Variants in CASP8 observed in about 807,000 individuals in gnomAD.
The protein encoded by CASP8 is caspase-8.
A neutral mutation model predicts 46.3 loss-of-function variants in CASP8; 24 were observed. The observed-to-expected ratio is 0.52, with a 90% CI of 0.38 to 0.73. The LOEUF (loss-of-function observed/expected upper bound fraction) is 0.73, where lower values mean the gene tolerates loss of function less well. Among genes scored for constraint, CASP8 ranks in the 30% least tolerant of loss-of-function variants. CASP8 has a pLI of 0.00. For missense variants in CASP8, 460 were observed against 559.0 expected, an observed-to-expected ratio of 0.82 and a Z score of 1.79; for synonymous variants, 188 against 200.4, an observed-to-expected ratio of 0.94 and a Z score of 0.52.
Position 201,286,685 on chromosome 2 carries a change from G to C in CASP8, c.*91G>C, listed in dbSNP as rs552034853. The C allele has an allele frequency of 8.8e-7, 1 of 1,131,268 alleles. No individual in the cohort carries two copies. The allele number at this position is 1,131,268 out of a possible 1,614,324, so 70.1% of individuals were successfully genotyped here. A position where few individuals can be genotyped will look rare whatever the true frequency, so the allele number is the denominator to read the frequency against. Reference sequence around the variant, plus strand: ...GGCTGGAGTGCAGTGGCGTGATCTCGGCTCACCGCAAGCTCCGCCTCCCGG... The same window carrying C: ...GGCTGGAGTGCAGTGGCGTGATCTCCGCTCACCGCAAGCTCCGCCTCCCGG... On this transcript the variant is annotated 3_prime_UTR_variant, in exon 9 of 9. Transcript: ENST00000673742.
chr2:201,248,993 G>A (rs1946654506), intron 2 of CASP8, among the ~76,000 whole-genome samples: 1 of 152,150 alleles, frequency 6.6e-6, no homozygotes, highest in East Asian at 1.9e-4. Flanking sequence ...CTGGGTTCAA[G>A]CAATTCTCAT....
In CASP8 at chr2:201,271,499, T is replaced by C. The variant is rs753581705; in HGVS notation, c.306-17T>C. 1 of 1,438,822 alleles carries C rather than the reference T, an allele frequency of 7.0e-7. No individual in the cohort carries two copies. The highest frequency in any genetic ancestry group is 9.8e-7 in the Non-Finnish European group (1 of 1,020,262). The allele number at this position is 1,438,822 out of a possible 1,614,324, so 89.1% of individuals were successfully genotyped here. On this transcript the variant is annotated splice_polypyrimidine_tract_variant and intron_variant, in intron 2 of 8. Transcript: ENST00000673742. The stretch of plus-strand genomic sequence containing the variant: ...TTTGGGAAAAGATTTCTAAAGTGTC[T>C]CCATTTCCCACCACAGGGTCATGCT...
Position 201,254,081 on chromosome 2 carries a change from CAA to C in CASP8, c.-26-12365_-26-12364del, listed in dbSNP as rs11418268. Among the ~76,000 whole-genome samples the C allele has an allele frequency of 9.7e-3, 1,307 of 134,774 alleles. 20 individuals are homozygous for C. The highest frequency in any genetic ancestry group is 0.031 in the African/African-American group (1,139 of 36,472). The allele number at this position is 134,774 out of a possible 152,430, so 88.4% of individuals were successfully genotyped here. ...GGGCAACAAGAGCAAAACTCCATCTCAAAAAAAAAAAAAAAATTCTGGAAAAG... is the reference window on the plus strand; with the variant it reads ...GGGCAACAAGAGCAAAACTCCATCTCAAAAAAAAAAAAAATTCTGGAAAAG... On this transcript the variant is annotated intron_variant, in intron 2 of 6. Coordinates refer to the CASP8 transcript ENST00000264274.
chr2:201,259,444 A>G (rs1947231376), upstream of CASP8, among the ~76,000 whole-genome samples: 2 of 152,140 alleles, frequency 1.3e-5, no homozygotes, highest in Non-Finnish European at 2.9e-5. Flanking sequence ...TCAAAGTGCT[A>G]GGATTACATG....
At chr2:201,234,911 G>T (rs1252428935) in intron 2 of CASP8, among the ~76,000 whole-genome samples, 1 of 152,162 alleles carries the variant, frequency 6.6e-6, no homozygotes, top group African/African-American at 2.4e-5. Context: ...GGAATTCTAA[G>T]AATTTGCATG....
rs573959107 is a variant in CASP8 at position 201,272,803 on chromosome 2, C to T, written c.550+27C>T. ...TAGAAACAACCTGACAGCCGGGAATCGGCAAAACCTACTCTAAAATTGAAA... is the reference window on the plus strand; with the variant it reads ...TAGAAACAACCTGACAGCCGGGAATTGGCAAAACCTACTCTAAAATTGAAA... On this transcript the variant is annotated intron_variant, in intron 4 of 8. Transcript: ENST00000673742. The surrounding 1 kb of genome is among the most constrained non-coding windows in gnomAD (Gnocchi z 4.4). 39 of 1,613,980 alleles carry T rather than the reference C, an allele frequency of 2.4e-5. No homozygotes were observed. The highest frequency in any genetic ancestry group is 1.0e-4 in the Admixed American group (6 of 60,000).
chr2:201,284,881 G>A lies in CASP8; in HGVS notation c.868G>A (p.Glu290Lys), dbSNP rs966595491. The A allele has an allele frequency of 1.9e-6, 3 of 1,613,998 alleles. No individual in the cohort carries two copies. In the African/African-American group the frequency reaches 4.0e-5, roughly 22 times the overall value. The change falls in exon 8 of 9, where the codon GAG becomes AAG. Residue 290 changes from glutamate to lysine, a missense_variant. By Grantham distance (56) the Glu-to-Lys change is moderately conservative. Transcript: ENST00000673742. ...CAAGCCCCACGATGACTGCACAGTA[G>A]AGCAAATCTATGAGATTTTGAAAAT... The part of the protein sequence containing the change: ...EIKPHDDCTV[E>K]QIYEILKIYQ...
At chr2:201,274,203 T>A (rs1406224069) in intron 5 of CASP8, among the ~76,000 whole-genome samples, 1 of 152,158 alleles carries the variant, frequency 6.6e-6, no homozygotes, top group East Asian at 1.9e-4. Flanking sequence ...CTGCTGAGCC[T>A]AAGGCCTTAA....
chr2:201,286,091 A>T (rs1268419212), intron 8 of CASP8, among the ~76,000 whole-genome samples: 1 of 152,244 alleles, frequency 6.6e-6, no homozygotes, highest in Non-Finnish European at 1.5e-5. Context: ...ATCAAAGATG[A>T]ATCCGCAGAT....
At position 201,271,583 on chromosome 2, in the gene CASP8, C is replaced by G. The variant is rs1314744062; in HGVS notation, c.373C>G (p.Gln125Glu). ...SELRSFKFLL[Q>E]EEISKCKLDD... ...ATTGAGGTCTTTTAAGTTTCTTTTG[C>G]AAGAGGAAATCTCCAAATGCAAACT... Residue 125 changes from glutamine to glutamate, a missense_variant, in exon 3 of 9, where the codon CAA (glutamine) becomes GAA (glutamate). Gln to Glu is a conservative substitution (Grantham distance 29). Transcript: ENST00000673742. 1 of 1,608,900 alleles carries G rather than the reference C, an allele frequency of 6.2e-7. No homozygotes were observed. The highest frequency in any genetic ancestry group is 8.5e-7 in the Non-Finnish European group (1 of 1,175,190).
chr2:201,234,616 A>AT (rs11407922), intron 2 of CASP8, among the ~76,000 whole-genome samples: 8,481 of 144,990 alleles, frequency 0.058, 324 homozygotes, highest in African/African-American at 0.11. Flanking sequence ...TGCCTGGCTA[A>AT]TTTTTTTTTT....
intron 2 of CASP8, among the ~76,000 whole-genome samples, chr2:201,250,878 T>C (rs1946748211): frequency 6.6e-6 from 1 of 152,182 alleles, no homozygotes; most frequent in Non-Finnish European, 1.5e-5. Flanking sequence ...CGTTACAATA[T>C]TGTACAGAAT....
At chr2:201,255,164 A>G (rs914815654) in intron 2 of CASP8, among the ~76,000 whole-genome samples, 3 of 151,654 alleles carry the variant, frequency 2.0e-5, no homozygotes, top group Non-Finnish European at 4.4e-5. Context: ...GCTCACTGCA[A>G]CCTCCGCCTC....
chr2:201,286,974 A>G lies in CASP8; in HGVS notation c.*380A>G, dbSNP rs1949593183. ...TATTTACTAATTTTCTAGATTTTCT[A>G]CTTTATTAATTGTTTTGCACTTTTT... On this transcript the variant is annotated 3_prime_UTR_variant, in exon 9 of 9. Coordinates refer to ENST00000673742, the MANE Select transcript of CASP8 (RefSeq NM_001372051.1). 4.4e-6 allele frequency: 1 copy of G among 227,804 alleles called. No individual in the cohort carries two copies. The highest frequency in any genetic ancestry group is 9.0e-6 in the Non-Finnish European group (1 of 111,068). 14.1% of individuals were successfully genotyped at this position (227,804 alleles called of 1,614,324 possible).
chr2:201,267,906 GA>G (rs1947938034), intron 2 of CASP8, among the ~76,000 whole-genome samples: 1 of 152,094 alleles, frequency 6.6e-6, no homozygotes, highest in Non-Finnish European at 1.5e-5. Flanking sequence ...TTTTTGTTTT[GA>G]GGCTTGACTA....
At position 201,284,981 on chromosome 2, in the gene CASP8, T is replaced by G. The variant is rs750407378; in HGVS notation, c.968T>G (p.Ile323Ser). The G allele has an allele frequency of 6.2e-7, 1 of 1,614,016 alleles. No homozygotes were observed. Among genetic ancestry groups the G allele is most frequent in the African/African-American group, 1.3e-5 (1 of 74,902 alleles). Residue 323 changes from isoleucine (I) to serine (S), a missense_variant, in exon 8 of 9, where the codon ATC (isoleucine) becomes AGC (serine). Physicochemically the swap from Ile to Ser is moderately radical, Grantham distance 142 (BLOSUM62 -2). Coordinates refer to ENST00000673742, the MANE Select transcript of CASP8 (RefSeq NM_001372051.1). ...CILSHGDKGI[I>S]YGTDGQEAPI... ...CTCTCCCATGGAGACAAGGGCATCA[T>G]CTATGGCACTGATGGACAGGAGGCC...
At chr2:201,286,353 A>G (rs970214957) in intron 8 of CASP8, 106 bp from the exon 9 acceptor site, 7 of 1,396,890 alleles carry the variant, frequency 5.0e-6, no homozygotes, top group Non-Finnish European at 7.0e-6. Context: ...AATGACTGAT[A>G]TTTTGAGAGA....
chr2:201,236,382 T>A lies in CASP8; in HGVS notation c.-27+2270T>A, dbSNP rs1487090448. 2.6e-5 allele frequency among the ~76,000 whole-genome samples: 4 copies of A among 152,162 alleles called. No homozygotes were observed. The East Asian group carries it at 7.7e-4, about 29-fold the overall frequency. ...ATTTCATTTCCAAATATTTGGGGATTTTCCAGACATGTTTCTGTTGTCCAG... is the reference window on the plus strand; with the variant it reads ...ATTTCATTTCCAAATATTTGGGGATATTCCAGACATGTTTCTGTTGTCCAG... On this transcript the variant is annotated intron_variant, in intron 2 of 6. Transcript: ENST00000264274.
At chr2:201,271,275 A>C (rs1406335097) in intron 2 of CASP8, among the ~76,000 whole-genome samples, 1 of 152,220 alleles carries the variant, frequency 6.6e-6, no homozygotes, top group Non-Finnish European at 1.5e-5. Context: ...CTCAACTGAA[A>C]TAAACTGAAA....
Sources: allele counts gnomAD v4.1 joint callset (sites outside exome capture counted in the v4.1 genomes callset), GRCh38; gene constraint gnomAD v4.1.1; non-coding constraint Gnocchi (gnomAD v3.1); transcripts MANE v1.5; gene names NCBI Gene and HGNC (gene_info 2026-07-23, HGNC 2026-07-21).